NAT1: variants seen among roughly 807,000 people sequenced by gnomAD.
NAT1 encodes the protein N-acetyltransferase 1, also known as arylamine N-acetyltransferase 1.
For missense variants in NAT1, 400 were observed against 339.2 expected (o/e 1.18, Z -1.41); for synonymous variants, 144 against 122.6 (o/e 1.17, Z -1.16).
chr8:18,187,418 T>C (rs1802784414), intron 2 of NAT1, among the ~76,000 whole-genome samples: 1 of 152,188 alleles, frequency 6.6e-6, no homozygotes, highest in African/African-American at 2.4e-5. Flanking sequence ...TGCAGCACTA[T>C]TCACAATAGC....
intron 2 of NAT1, among the ~76,000 whole-genome samples, chr8:18,190,408 C>G (rs1802933430): frequency 6.6e-6 from 1 of 152,228 alleles, no homozygotes; most frequent in Admixed American, 6.5e-5. Context: ...AAATTGTGGC[C>G]ACACACAGTG....
chr8:18,216,278 A>G (rs1319874713), intron 1 of NAT1, among the ~76,000 whole-genome samples: 2 of 152,142 alleles, frequency 1.3e-5, no homozygotes, highest in Admixed American at 6.5e-5. Flanking sequence ...AACAGCGCTG[A>G]TACTTGCTGC....
At chr8:18,216,761 TA>T in intron 1 of NAT1, 1 of 593,544 alleles carries the variant, frequency 1.7e-6, no homozygotes, top group Non-Finnish European at 2.9e-6. Context: ...CGTAAGAGGC[TA>T]AGCAGTTGAC....
chr8:18,173,003 T>C (rs1802153345), intron 2 of NAT1, among the ~76,000 whole-genome samples: 1 of 152,128 alleles, frequency 6.6e-6, no homozygotes, highest in African/African-American at 2.4e-5. Context: ...TCCGTTCTCA[T>C]GGGGAGCCCA....
Position 18,189,524 on chromosome 8 carries a change from G to C in NAT1, n.92+18785G>C, listed in dbSNP as rs543625587. Among the ~76,000 whole-genome samples the C allele has an allele frequency of 2.0e-5, 3 of 152,270 alleles. No individual in the cohort carries two copies. In the South Asian group the frequency reaches 6.2e-4, roughly 32 times the overall value. ...GTTGATCAAATATTCACTACTAGTA[G>C]GAATATACTAAAGACATATTTTTCT... is the stretch of plus-strand genomic sequence containing the variant. On this transcript the variant is annotated intron_variant and non_coding_transcript_variant, in intron 2 of 4. Coordinates refer to the NAT1 transcript ENST00000517441.
chr8:18,199,317 C>CA (rs373393013), intron 2 of NAT1, among the ~76,000 whole-genome samples: 10,661 of 87,318 alleles, frequency 0.12, 1,053 homozygotes, highest in African/African-American at 0.29. Context: ...GACTCTGTCT[C>CA]AAAAAAAAAA....
chr8:18,193,446 G>T (rs1221305795), intron 2 of NAT1, among the ~76,000 whole-genome samples: 1 of 136,632 alleles, frequency 7.3e-6, no homozygotes, highest in Non-Finnish European at 1.6e-5. Context: ...GAGAGAGTGA[G>T]ACTCTGTCTA....
chr8:18,203,002 C>G (rs1209498516), intron 2 of NAT1, among the ~76,000 whole-genome samples: 1 of 152,146 alleles, frequency 6.6e-6, no homozygotes, highest in Non-Finnish European at 1.5e-5. Context: ...AATCCTTTAG[C>G]TAGACACAGA....
intron 2 of NAT1, 29 bp from the exon 3 acceptor site, chr8:18,222,013 T>A: frequency 2.5e-6 from 4 of 1,570,134 alleles, no homozygotes; most frequent in Non-Finnish European, 3.4e-6. Context: ...AGTAAAATGA[T>A]TTGCTTTCGT....
chr8:18,220,842 A>G (rs1358278653), intron 2 of NAT1, among the ~76,000 whole-genome samples: 3 of 151,726 alleles, frequency 2.0e-5, no homozygotes, highest in African/African-American at 7.2e-5. Flanking sequence ...TCTCAGATCT[A>G]CTTAGATCAT....
In NAT1 at chr8:18,201,766, AGG is replaced by A. The variant is rs370472000; in HGVS notation, n.93-8014_93-8013del. Among the ~76,000 whole-genome samples, 26 of 152,238 alleles carry A rather than the reference AGG, an allele frequency of 1.7e-4. 1 individual carries two copies. The highest frequency in any genetic ancestry group is 6.0e-4 in the African/African-American group (25 of 41,548). The stretch of plus-strand genomic sequence containing the variant: ...GGTGCTTCCCTCTTTTTGGGGACCT[AGG>A]ATTCAGTGTGAAAATGGGATTCTTG... On this transcript the variant is annotated intron_variant and non_coding_transcript_variant, in intron 2 of 4. Transcript: ENST00000517441.
intron 1 of NAT1, among the ~76,000 whole-genome samples, chr8:18,215,432 T>G (rs867508192): frequency 7.2e-5 from 11 of 152,376 alleles, no homozygotes; most frequent in African/African-American, 2.4e-4. Context: ...GATACGATAT[T>G]GTATCTATAT....
rs768248406 is a variant in NAT1, at chr8:18,222,868, C to G, written c.821C>G (p.Ser274Cys). 1.9e-6 allele frequency: 3 copies of G among 1,589,526 alleles called. No individual in the cohort carries two copies. The South Asian group carries it at 3.5e-5, about 19-fold the overall frequency. The change falls in exon 3 of 3, where the codon TCC (serine) becomes TGC (cysteine). Residue 274 changes from serine (S) to cysteine (C), a missense_variant. By Grantham distance (112) the Ser-to-Cys change is moderately radical (BLOSUM62 -1). Transcript: ENST00000307719. ...GTGCTGAAAAATATATTTAATATTT[C>G]CTTGCAGAGAAAGCTTGTGCCCAAA... ...EKVLKNIFNISLQRKLVPKHG... is the reference protein window; with the variant it reads ...EKVLKNIFNICLQRKLVPKHG...
intron 2 of NAT1, among the ~76,000 whole-genome samples, chr8:18,199,859 A>G (rs1013597947): frequency 6.6e-6 from 1 of 152,264 alleles, no homozygotes; most frequent in Admixed American, 6.5e-5. Flanking sequence ...GGAAAAGGAT[A>G]TGAACAGACA....
intron 2 of NAT1, among the ~76,000 whole-genome samples, chr8:18,197,480 G>C (rs1209977344): frequency 6.6e-6 from 1 of 152,180 alleles, no homozygotes; most frequent in African/African-American, 2.4e-5. Context: ...ACTAGGTAGT[G>C]CTATTGGCAT....
At chr8:18,201,764 C>T (rs1803473581) in intron 2 of NAT1, among the ~76,000 whole-genome samples, 1 of 152,082 alleles carries the variant, frequency 6.6e-6, no homozygotes. Flanking sequence ...TTTTGGGGAC[C>T]TAGGATTCAG....
intron 1 of NAT1, chr8:18,216,736 A>C: frequency 1.8e-6 from 1 of 571,390 alleles, no homozygotes; most frequent in Non-Finnish European, 3.1e-6. Flanking sequence ...TTGGGAGAAG[A>C]TAAAAGCAAA....
At chr8:18,203,953 G>A (rs1803588291) in intron 2 of NAT1, among the ~76,000 whole-genome samples, 1 of 152,102 alleles carries the variant, frequency 6.6e-6, no homozygotes, top group Admixed American at 6.5e-5. Flanking sequence ...CACCTGTACT[G>A]TAAAGGAGCA....
intron 2 of NAT1, among the ~76,000 whole-genome samples, chr8:18,203,830 G>A (rs113457611): frequency 1.0e-3 from 153 of 152,236 alleles, no homozygotes; most frequent in African/African-American, 3.5e-3. Context: ...GCCCCAAATC[G>A]TTTTCTAACA....
Sources: allele counts gnomAD v4.1 joint callset (sites outside exome capture counted in the v4.1 genomes callset), GRCh38; gene constraint gnomAD v4.1.1; transcripts MANE v1.5; gene names NCBI Gene and HGNC (gene_info 2026-07-23, HGNC 2026-07-21).